Variants in CSNK2A2IP observed in about 807,000 individuals in gnomAD.
CSNK2A2IP encodes casein kinase II subunit alpha'-interacting protein.
chr3:88,461,740 T>A, the CSNK2A2IP span, among the ~76,000 whole-genome samples: 1 of 152,146 alleles, frequency 6.6e-6, no homozygotes, highest in Non-Finnish European at 1.5e-5. Context: ...TAGCAATATC[T>A]CTCTGTTGTT....
the CSNK2A2IP span, among the ~76,000 whole-genome samples, chr3:88,445,732 T>G: frequency 6.6e-6 from 1 of 152,016 alleles, no homozygotes; most frequent in African/African-American, 2.4e-5. Flanking sequence ...CTAAATGGTT[T>G]TGTTGTTTTG....
chr3:88,405,619 A>G, the CSNK2A2IP span, among the ~76,000 whole-genome samples: 1 of 152,160 alleles, frequency 6.6e-6, no homozygotes, highest in Non-Finnish European at 1.5e-5. Context: ...GACTCTAGCA[A>G]TATCTCTTGT....
At chr3:88,424,124 C>T in the CSNK2A2IP span, among the ~76,000 whole-genome samples, 1 of 152,156 alleles carries the variant, frequency 6.6e-6, no homozygotes, top group African/African-American at 2.4e-5. Context: ...TACTTCTAAA[C>T]TCAGTTCCAG....
chr3:88,408,780 G>A, the CSNK2A2IP span, among the ~76,000 whole-genome samples: 1 of 151,792 alleles, frequency 6.6e-6, no homozygotes, highest in South Asian at 2.1e-4. Flanking sequence ...ACCACACTGT[G>A]CATCTCAAGG....
chr3:88,417,714 C>A, the CSNK2A2IP span, among the ~76,000 whole-genome samples: 1 of 152,170 alleles, frequency 6.6e-6, no homozygotes, highest in Non-Finnish European at 1.5e-5. Context: ...TATTTACTGT[C>A]AACTGTAGGT....
At chr3:88,415,062 T>C in the CSNK2A2IP span, among the ~76,000 whole-genome samples, 1 of 151,848 alleles carries the variant, frequency 6.6e-6, no homozygotes, top group Non-Finnish European at 1.5e-5. Context: ...TTTACATTCA[T>C]GTAAGAGCAT....
At chr3:88,420,634 A>C in the CSNK2A2IP span, among the ~76,000 whole-genome samples, 5 of 152,178 alleles carry the variant, frequency 3.3e-5, no homozygotes, top group Admixed American at 2.0e-4. Context: ...AAGACAAGAT[A>C]ATTTAGAAGG....
the CSNK2A2IP span, among the ~76,000 whole-genome samples, chr3:88,450,097 G>A: frequency 4.0e-5 from 6 of 151,610 alleles, no homozygotes; most frequent in Admixed American, 3.9e-4. Context: ...TTGAACTCCT[G>A]ACCTCAAGTG....
the CSNK2A2IP span, among the ~76,000 whole-genome samples, chr3:88,442,738 A>AAT: frequency 5.3e-5 from 8 of 152,114 alleles, no homozygotes; most frequent in East Asian, 1.5e-3. Context: ...TTGAGCTTGT[A>AAT]ATTTTGGTCT....
the CSNK2A2IP span, among the ~76,000 whole-genome samples, chr3:88,366,257 G>A: frequency 6.6e-6 from 1 of 152,112 alleles, no homozygotes; most frequent in Non-Finnish European, 1.5e-5. Flanking sequence ...ATGCTTCAGA[G>A]CACAGGAGTG....
At chr3:88,417,165 G>C in the CSNK2A2IP span, among the ~76,000 whole-genome samples, 2 of 151,876 alleles carry the variant, frequency 1.3e-5, no homozygotes, top group East Asian at 3.9e-4. Context: ...AGACACACAG[G>C]GGAAAATGTG....
At chr3:88,364,135 C>T in the CSNK2A2IP span, among the ~76,000 whole-genome samples, 2 of 152,100 alleles carry the variant, frequency 1.3e-5, no homozygotes, top group East Asian at 1.9e-4. Flanking sequence ...CCTCATCATG[C>T]CATGGTCCAA....
chr3:88,380,034 TA>T, the CSNK2A2IP span, among the ~76,000 whole-genome samples: 6 of 152,086 alleles, frequency 3.9e-5, no homozygotes, highest in African/African-American at 1.4e-4. Flanking sequence ...TAAGTAAAAC[TA>T]AAAATGTTGT....
chr3:88,432,548 G>C, the CSNK2A2IP span, among the ~76,000 whole-genome samples: 11 of 151,544 alleles, frequency 7.3e-5, no homozygotes, highest in African/African-American at 2.7e-4. Context: ...CTGTTAACTT[G>C]CTTAACTGTG....
chr3:88,387,131 A>G, the CSNK2A2IP span, among the ~76,000 whole-genome samples: 1 of 149,320 alleles, frequency 6.7e-6, no homozygotes, highest in African/African-American at 2.5e-5. Flanking sequence ...AACAACCACT[A>G]TCCTTTAAAT....
the CSNK2A2IP span, among the ~76,000 whole-genome samples, chr3:88,438,908 A>G: frequency 6.9e-6 from 1 of 145,034 alleles, no homozygotes; most frequent in Non-Finnish European, 1.6e-5. Flanking sequence ...CTACATCTCC[A>G]TGTTGTCTTC....
chr3:88,390,760 G>T, the CSNK2A2IP span, among the ~76,000 whole-genome samples: 14 of 152,004 alleles, frequency 9.2e-5, no homozygotes, highest in East Asian at 1.9e-4. Flanking sequence ...AAATATTTTT[G>T]CCATGTATTA....
At chr3:88,451,671 T>C in the CSNK2A2IP span, among the ~76,000 whole-genome samples, 1 of 151,836 alleles carries the variant, frequency 6.6e-6, no homozygotes, top group Non-Finnish European at 1.5e-5. Context: ...CCTCCTTCTC[T>C]TCTTCCTTCC....
At chr3:88,448,955 T>C in the CSNK2A2IP span, among the ~76,000 whole-genome samples, 1 of 152,160 alleles carries the variant, frequency 6.6e-6, no homozygotes, top group Non-Finnish European at 1.5e-5. Flanking sequence ...CTCCTTTGAC[T>C]GGTAGGTAGC....
Sources: allele counts gnomAD v4.1 joint callset (sites outside exome capture counted in the v4.1 genomes callset), GRCh38; gene constraint gnomAD v4.1.1; transcripts MANE v1.5; gene names NCBI Gene and HGNC (gene_info 2026-07-23, HGNC 2026-07-21).